The following NAALADL2 variants were observed in gnomAD, a reference collection of about 807,000 sequenced individuals.
The protein encoded by NAALADL2 is inactive N-acetylated-alpha-linked acidic dipeptidase-like protein 2.
Under a neutral mutation model 87.2 loss-of-function variants are expected in NAALADL2, and 76 were observed. The observed-to-expected ratio is 0.87, with a 90% CI of 0.72 to 1.05. The LOEUF (loss-of-function observed/expected upper bound fraction) is 1.05. Ranked by LOEUF, NAALADL2 falls within the 50% of genes least tolerant of loss-of-function variation. NAALADL2 has a pLI of 0.00. For missense variants in NAALADL2, 1,089 were observed against 945.8 expected, an observed-to-expected ratio of 1.15 and a Z score of -1.99; for synonymous variants, 354 against 331.0, an observed-to-expected ratio of 1.07 and a Z score of -0.75.
intron 9 of NAALADL2, among the ~76,000 whole-genome samples, chr3:175,478,636 G>A (rs963324410): frequency 2.0e-5 from 3 of 151,832 alleles, no homozygotes; most frequent in East Asian, 1.9e-4. Flanking sequence ...CAGCCATCCC[G>A]TCATAATTAA....
intron 1 of NAALADL2, among the ~76,000 whole-genome samples, chr3:174,999,916 T>G (rs28521646): frequency 6.6e-6 from 1 of 152,024 alleles, no homozygotes; most frequent in Non-Finnish European, 1.5e-5. Flanking sequence ...AATGGAGAAC[T>G]TCTAGTTTTA....
intron 9 of NAALADL2, among the ~76,000 whole-genome samples, chr3:175,526,113 G>A (rs1733380589): frequency 6.6e-6 from 1 of 152,198 alleles, no homozygotes; most frequent in South Asian, 2.1e-4. Context: ...AATGAGGACA[G>A]TCTTGTCAAA....
chr3:175,236,087 T>G (rs1280734046), intron 3 of NAALADL2, among the ~76,000 whole-genome samples: 3 of 152,182 alleles, frequency 2.0e-5, no homozygotes, highest in Non-Finnish European at 2.9e-5. Flanking sequence ...AGCATGTATT[T>G]GTTGGTCTTA....
intron 1 of NAALADL2, among the ~76,000 whole-genome samples, chr3:175,016,932 G>T (rs1252948142): frequency 2.0e-5 from 3 of 151,908 alleles, no homozygotes; most frequent in Non-Finnish European, 4.4e-5. Context: ...TCATGTTATT[G>T]TCTACTAGCT....
At chr3:175,075,322 T>A (rs894082402) in intron 1 of NAALADL2, among the ~76,000 whole-genome samples, 1 of 151,876 alleles carries the variant, frequency 6.6e-6, no homozygotes, top group Non-Finnish European at 1.5e-5. Context: ...TAGTCTGCTT[T>A]ATGCAAAGCT....
intron 11 of NAALADL2, among the ~76,000 whole-genome samples, chr3:175,730,395 GATATATATATATATAT>G (rs5854656): frequency 0.042 from 2,357 of 55,732 alleles, 88 homozygotes; most frequent in Admixed American, 0.053. Flanking sequence ...ACTTAATACA[GATATATATATATATAT>G]ATATATATAT....
At chr3:174,827,160 G>C (rs1275640068) in intron 3 of NAALADL2, among the ~76,000 whole-genome samples, 1 of 151,982 alleles carries the variant, frequency 6.6e-6, no homozygotes, top group African/African-American at 2.4e-5. Flanking sequence ...TAATAGAATA[G>C]TCTTGCAGTA....
At chr3:174,508,114 G>GTTTTTTTTGTTTTGT (rs1719328544) in intron 1 of NAALADL2, among the ~76,000 whole-genome samples, 2 of 103,884 alleles carry the variant, frequency 1.9e-5, no homozygotes, top group African/African-American at 3.6e-5. Flanking sequence ...ATATCTAGTG[G>GTTTTTTTTGTTTTGT]TTTTTTTTTT....
chr3:174,748,439 T>C (rs1473722168), intron 3 of NAALADL2, among the ~76,000 whole-genome samples: 1 of 151,188 alleles, frequency 6.6e-6, no homozygotes, highest in African/African-American at 2.4e-5. Context: ...GCTCTTCTGG[T>C]ACCTTTATTT....
intron 9 of NAALADL2, among the ~76,000 whole-genome samples, chr3:175,486,579 A>G (rs1034797063): frequency 2.6e-5 from 4 of 152,106 alleles, no homozygotes; most frequent in Non-Finnish European, 5.9e-5. Context: ...TACACCCCCA[A>G]ATCTCTGGAG....
rs1444829976 is a variant in NAALADL2 at position 175,097,052 on chromosome 3, A to G, written c.306A>G (p.Glu102=). The G allele has an allele frequency of 1.2e-6, 2 of 1,613,692 alleles. No individual in the cohort carries two copies. The highest frequency in any genetic ancestry group is 1.7e-6 in the Non-Finnish European group (2 of 1,179,772). ...SPKGRFQRLQ[E]ESDYITHYTR... is the part of the protein sequence containing the mutation. ...AAGGAAGGTTCCAGAGACTTCAAGA[A>G]GAATCTGACTACATTACCCATTATA... The change falls in exon 2 of 14, where the codon GAA becomes GAG. Residue 102 remains glutamate, a synonymous_variant. Transcript: ENST00000454872.
At chr3:175,219,672 A>G (rs1051425914) in intron 2 of NAALADL2, among the ~76,000 whole-genome samples, 4 of 151,970 alleles carry the variant, frequency 2.6e-5, no homozygotes, top group Non-Finnish European at 5.9e-5. Flanking sequence ...ATATCATTAC[A>G]TATGTTTTAG....
intron 1 of NAALADL2, among the ~76,000 whole-genome samples, chr3:174,446,990 TTAAAAA>T (rs139684135): frequency 0.014 from 2,179 of 152,198 alleles, 47 homozygotes; most frequent in African/African-American, 0.05. Context: ...TTGGAAAACT[TTAAAAA>T]TAATAACAAG....
At chr3:175,460,147 G>A (rs767749076) in intron 6 of NAALADL2, 9 of 456,326 alleles carry the variant, frequency 2.0e-5, no homozygotes, top group African/African-American at 1.4e-4. Context: ...CCAACGGATT[G>A]TTCAAATTAG....
intron 2 of NAALADL2, among the ~76,000 whole-genome samples, chr3:174,585,483 G>A (rs1422262577): frequency 6.6e-6 from 1 of 152,136 alleles, no homozygotes; most frequent in Non-Finnish European, 1.5e-5. Context: ...TACCCTGTAA[G>A]ATATCAAGGT....
intron 2 of NAALADL2, among the ~76,000 whole-genome samples, chr3:174,617,992 A>G (rs771233381): frequency 2.6e-5 from 4 of 151,798 alleles, no homozygotes; most frequent in Non-Finnish European, 5.9e-5. Context: ...AGAGGACAGC[A>G]TCTTAAATTG....
chr3:174,743,646 A>G (rs185208745), intron 3 of NAALADL2, among the ~76,000 whole-genome samples: 113 of 151,808 alleles, frequency 7.4e-4, no homozygotes, highest in African/African-American at 2.6e-3. Flanking sequence ...TTATTTTAAT[A>G]TTTTCTTCAT....
At chr3:175,314,072 C>CAAAAAAA (rs10678475) in intron 4 of NAALADL2, among the ~76,000 whole-genome samples, 2 of 79,824 alleles carry the variant, frequency 2.5e-5, no homozygotes, top group Non-Finnish European at 5.3e-5. Flanking sequence ...GACTCCATCT[C>CAAAAAAA]AAAAAAAAAA....
chr3:175,225,057 G>T (rs1743959664), intron 2 of NAALADL2, among the ~76,000 whole-genome samples: 1 of 152,074 alleles, frequency 6.6e-6, no homozygotes, highest in African/African-American at 2.4e-5. Flanking sequence ...AAGGTAGTCT[G>T]GGCTAACAAC....
Sources: allele counts gnomAD v4.1 joint callset (sites outside exome capture counted in the v4.1 genomes callset), GRCh38; gene constraint gnomAD v4.1.1; transcripts MANE v1.5; gene names NCBI Gene and HGNC (gene_info 2026-07-23, HGNC 2026-07-21).